SEMA5B: variants seen among roughly 807,000 people sequenced by gnomAD.
SEMA5B encodes semaphorin 5B.
Under a neutral mutation model 135.0 loss-of-function variants are expected in SEMA5B, and 66 were observed. That is an observed-to-expected ratio of 0.49 (90% CI 0.40 to 0.60). The LOEUF (loss-of-function observed/expected upper bound fraction) is 0.60, where lower values mean the gene tolerates loss of function less well. Ranked by LOEUF, SEMA5B falls within the 20% of genes least tolerant of loss-of-function variation. The probability of loss-of-function intolerance (pLI) is 0.00; values close to 1 mark genes in which losing one functional copy is unlikely to be tolerated. For missense variants in SEMA5B, 1,501 were observed against 1,566.3 expected (o/e 0.96, Z 0.70); for synonymous variants, 690 against 639.5 (o/e 1.08, Z -1.19).
chr3:123,003,075 T>C (rs1942222099), intron 1 of SEMA5B, among the ~76,000 whole-genome samples: 1 of 151,634 alleles, frequency 6.6e-6, no homozygotes, highest in South Asian at 2.1e-4. Flanking sequence ...TGCAGACACC[T>C]GCAGATGGCT....
rs966150167 is a variant in SEMA5B, at chr3:122,948,619, G to A, written c.215C>T (p.Pro72Leu). 31 of 1,613,814 alleles carry A rather than the reference G, an allele frequency of 1.9e-5. No homozygotes were observed. The highest frequency in any genetic ancestry group is 2.6e-5 in the Non-Finnish European group (31 of 1,179,926). Residue 72 changes from proline (P) to leucine (L), a missense_variant, in exon 3 of 23, where the codon CCC becomes CTC. Physicochemically the swap from Pro to Leu is moderately conservative, Grantham distance 98 (BLOSUM62 -3). Transcript: ENST00000357599. ...AGPLAVSLLL[P>L]SLTLLVSHLS... ...GTGGGACACCAGCAGTGTGAGGCTGGGCAGCAACAGCGAGACAGCCAGGGG... is the reference window on the plus strand; with the variant it reads ...GTGGGACACCAGCAGTGTGAGGCTGAGCAGCAACAGCGAGACAGCCAGGGG...
chr3:122,980,830 C>A (rs114735794), intron 1 of SEMA5B, among the ~76,000 whole-genome samples: 1 of 152,184 alleles, frequency 6.6e-6, no homozygotes, highest in Non-Finnish European at 1.5e-5. Flanking sequence ...CCCCACTCCC[C>A]GCCTGCTCCT....
Position 122,996,231 on chromosome 3 carries a change from G to A in SEMA5B, c.-39+31233C>T, listed in dbSNP as rs560575735. ...TGCAGGTCCCACAACAGAGGCTGCCGAAGGTGGGAACTGGCCTTGGCGGCT... is the reference window on the plus strand; with the variant it reads ...TGCAGGTCCCACAACAGAGGCTGCCAAAGGTGGGAACTGGCCTTGGCGGCT... On this transcript the variant is annotated intron_variant, in intron 1 of 22. Coordinates refer to ENST00000357599, the MANE Select transcript of SEMA5B (RefSeq NM_001031702.4). Among the ~76,000 whole-genome samples the A allele has an allele frequency of 2.7e-3, 404 of 152,390 alleles. 4 individuals are homozygous for A. Among genetic ancestry groups the A allele is most frequent in the Non-Finnish European group, 3.9e-3 (264 of 68,034 alleles).
intron 1 of SEMA5B, chr3:122,976,133 A>G (rs1219953588): frequency 4.6e-6 from 7 of 1,535,246 alleles, no homozygotes; most frequent in Non-Finnish European, 6.1e-6. Flanking sequence ...TGTGGTTTAT[A>G]CACTCTCATC....
At chr3:122,921,842 CG>C (rs1417889131) in intron 12 of SEMA5B, 72 bp downstream of exon 12, 115 of 1,334,158 alleles carry the variant, frequency 8.6e-5, no homozygotes, top group Non-Finnish European at 1.1e-4. Context: ...CCAGGTCTCC[CG>C]GGTCCAAAGC....
At position 122,948,716 on chromosome 3, in the gene SEMA5B, C is replaced by G; in HGVS notation, c.125-7G>C. On this transcript the variant is annotated splice_polypyrimidine_tract_variant and splice_region_variant and intron_variant, in intron 2 of 22. Transcript: ENST00000357599. Reference sequence around the variant, plus strand: ...GGCAGACAGGGGAGAAGACCTGCAACGTAAACACTCAGTCTCACCAAGCGC... The same window carrying G: ...GGCAGACAGGGGAGAAGACCTGCAAGGTAAACACTCAGTCTCACCAAGCGC... 6.3e-7 allele frequency: 1 copy of G among 1,585,148 alleles called. No homozygotes were observed. The highest frequency in any genetic ancestry group is 8.6e-7 in the Non-Finnish European group (1 of 1,159,812).
chr3:122,923,854 T>C (rs1938495740), intron 9 of SEMA5B, 102 bp from the exon 10 acceptor site: 3 of 1,344,862 alleles, frequency 2.2e-6, no homozygotes, highest in South Asian at 2.4e-5. Flanking sequence ...CAAGGCTCTG[T>C]AAGCATCTAT....
chr3:122,912,889 C>T lies in SEMA5B; in HGVS notation c.2679G>A (p.Val893=), dbSNP rs2107609504. 1 of 1,608,566 alleles carries T rather than the reference C, an allele frequency of 6.2e-7. No homozygotes were observed. Among genetic ancestry groups the T allele is most frequent in the Non-Finnish European group, 8.5e-7 (1 of 1,177,326 alleles). The change falls in exon 18 of 23, where the codon GTG becomes GTA. Residue 893 remains valine (V), a synonymous_variant. Transcript: ENST00000357599. ...PEPRNGGLPC[V]GDAAEYQDCN... is the part of the protein sequence containing the mutation. ...AGTCCTGGTACTCGGCAGCATCGCC[C>T]ACGCAGGGCAGGCCCCCGTTGCGGG...
chr3:122,997,579 T>C (rs1463484693), intron 1 of SEMA5B, among the ~76,000 whole-genome samples: 5 of 151,122 alleles, frequency 3.3e-5, no homozygotes, highest in Non-Finnish European at 7.4e-5. Flanking sequence ...GGGTAATGGA[T>C]TTCTTAAGTC....
In SEMA5B at chr3:122,910,977, C is replaced by T. The variant is rs1937661493; in HGVS notation, c.3160G>A (p.Ala1054Thr). The T allele has an allele frequency of 6.2e-7, 1 of 1,613,924 alleles. No individual in the cohort carries two copies. Among genetic ancestry groups the T allele is most frequent in the East Asian group, 2.2e-5 (1 of 44,866 alleles). The change falls in exon 22 of 23, where the codon GCA (alanine) becomes ACA (threonine). Residue 1054 changes from alanine (A) to threonine (T), a missense_variant. Around this residue, in one of 2 missense-constraint regions of SEMA5B, gnomAD observed 927 missense variants for 881.6 expected, o/e 1.05. Coordinates refer to ENST00000357599, the MANE Select transcript of SEMA5B (RefSeq NM_001031702.4). ...CAGTGCTGGCAAGACAGGTACACTG[C>T]TAGGGTCAGGAGCCCAGAGCCCAAG... ...CFLGSGLLTLAVYLSCQHCQR... is the reference protein window; with the variant it reads ...CFLGSGLLTLTVYLSCQHCQR...
intron 2 of SEMA5B, among the ~76,000 whole-genome samples, chr3:122,951,065 T>C (rs772007115): frequency 3.9e-5 from 6 of 152,160 alleles, no homozygotes; most frequent in Non-Finnish European, 5.9e-5. Flanking sequence ...TCTCTAGTGG[T>C]TGGGACCACA....
chr3:122,946,049 G>A (rs767206548), intron 3 of SEMA5B, among the ~76,000 whole-genome samples: 12 of 152,186 alleles, frequency 7.9e-5, no homozygotes, highest in Admixed American at 2.6e-4. Context: ...CACCAAGCAC[G>A]TTCCGAGCTC....
chr3:122,911,361 A>G, intron 21 of SEMA5B, 130 bp downstream of exon 21: 2 of 1,547,710 alleles, frequency 1.3e-6, no homozygotes, highest in Middle Eastern at 1.7e-4. Flanking sequence ...CCTACACACC[A>G]TCTCAAAGCA....
chr3:122,981,687 G>A (rs955648064), intron 1 of SEMA5B, among the ~76,000 whole-genome samples: 3 of 152,240 alleles, frequency 2.0e-5, no homozygotes, highest in African/African-American at 7.2e-5. Context: ...CCATGAGAGA[G>A]GCACACAGGC....
intron 2 of SEMA5B, among the ~76,000 whole-genome samples, chr3:122,951,100 G>A (rs189083278): frequency 3.0e-4 from 46 of 152,258 alleles, no homozygotes; most frequent in African/African-American, 1.1e-3. Flanking sequence ...TGCCTGGCTA[G>A]AGGGGCATGC....
At chr3:122,910,346 C>A (rs200540381) in intron 22 of SEMA5B, 45 bp from the exon 23 acceptor site, 2 of 1,602,966 alleles carry the variant, frequency 1.2e-6, no homozygotes, top group Non-Finnish European at 8.5e-7. Context: ...AGGGAACACA[C>A]AGGGGAAGGG....
intron 1 of SEMA5B, among the ~76,000 whole-genome samples, chr3:122,991,090 A>T (rs1172898251): frequency 6.6e-6 from 1 of 152,148 alleles, no homozygotes; most frequent in Non-Finnish European, 1.5e-5. Flanking sequence ...CAACAGTGGG[A>T]TTTTCCTTCC....
intron 1 of SEMA5B, among the ~76,000 whole-genome samples, chr3:122,967,137 G>T (rs112551882): frequency 6.6e-6 from 1 of 151,842 alleles, no homozygotes; most frequent in African/African-American, 2.4e-5. Flanking sequence ...TGCCTGACTC[G>T]GCCTCCCAAA....
In SEMA5B at chr3:122,948,652, A is replaced by G; in HGVS notation, c.182T>C (p.Leu61Pro). ...ARTAEGPIMVLAGPLAVSLLL... is the reference protein window; with the variant it reads ...ARTAEGPIMVPAGPLAVSLLL... ...CAGCGAGACAGCCAGGGGGCCTGCA[A>G]GCACCATGATAGGCCCCTCTGCAGT... The change falls in exon 3 of 23, where the codon CTT becomes CCT. Residue 61 changes from leucine to proline, a missense_variant. By Grantham distance (98) the Leu-to-Pro change is moderately conservative. Around this residue, in one of 2 missense-constraint regions of SEMA5B, gnomAD observed 574 missense variants for 684.7 expected, o/e 0.84. Transcript: ENST00000357599. 6.2e-7 allele frequency: 1 copy of G among 1,613,800 alleles called. No individual in the cohort carries two copies. The highest frequency in any genetic ancestry group is 1.1e-5 in the South Asian group (1 of 91,020).
Sources: gnomAD v4.1 joint callset for allele counts (sites outside exome capture counted in the v4.1 genomes callset) on GRCh38, gnomAD v4.1.1 for gene constraint, gnomAD v4.1.1 regional missense constraint, MANE v1.5 for transcripts, NCBI Gene and HGNC (gene_info 2026-07-23, HGNC 2026-07-21) for gene names.